The following SLC47A2 variants were observed in gnomAD, a reference collection of about 807,000 sequenced individuals.
SLC47A2 encodes solute carrier family 47 member 2, also known as multidrug and toxin extrusion protein 2.
In SLC47A2, 52 loss-of-function variants were observed where a neutral mutation model predicts 67.7. The ratio of observed to expected loss-of-function variants is 0.77; its 90% CI spans 0.61 to 0.97. The LOEUF is 0.97. Ranked by LOEUF, SLC47A2 falls within the 50% of genes least tolerant of loss-of-function variation. The pLI, the probability that SLC47A2 is intolerant of heterozygous loss-of-function variation, is 0.00. For synonymous variants in SLC47A2, 278 were observed against 292.9 expected, an observed-to-expected ratio of 0.95 and a Z score of 0.52; for missense variants, 676 against 712.3, an observed-to-expected ratio of 0.95 and a Z score of 0.58.
At chr17:19,716,617 C>A, upstream of SLC47A2, 4 of 1,496,338 alleles carry the variant, frequency 2.7e-6, no homozygotes, top group Non-Finnish European at 3.6e-6. Flanking sequence ...CTTTGTCCAG[C>A]GAGCCACCCC....
At chr17:19,703,691 G>C (rs369534766) in intron 11 of SLC47A2, among the ~76,000 whole-genome samples, 1 of 152,352 alleles carries the variant, frequency 6.6e-6, no homozygotes, top group East Asian at 1.9e-4. Flanking sequence ...GGTGCTGGGA[G>C]GGCCAGGCCT....
intron 13 of SLC47A2, among the ~76,000 whole-genome samples, chr17:19,700,843 A>G (rs2085766645): frequency 6.6e-6 from 1 of 151,634 alleles, no homozygotes; most frequent in African/African-American, 2.4e-5. Flanking sequence ...TCACCCAGAC[A>G]CTAGAGAAAA....
intron 3 of SLC47A2, 200 bp downstream of exon 3, chr17:19,714,521 T>C: frequency 1.5e-6 from 1 of 648,664 alleles, no homozygotes; most frequent in Non-Finnish European, 2.7e-6. Context: ...CCCTTTCTCC[T>C]GGCCCAGACT....
In SLC47A2 at chr17:19,700,381, T is replaced by G. The variant is rs576178065; in HGVS notation, c.1164+2224A>C. Among the ~76,000 whole-genome samples the G allele has an allele frequency of 8.5e-5, 13 of 152,328 alleles. No homozygotes were observed. In the South Asian group the frequency reaches 2.3e-3, roughly 27 times the overall value. ...ACAAGCCCTCAGGCCCTGGTAACTG[T>G]TCTCTGTAAACCTGACTCGGAGTTT... On this transcript the variant is annotated intron_variant, in intron 13 of 16. Coordinates refer to ENST00000433844, the MANE Select transcript of SLC47A2 (RefSeq NM_001099646.3).
chr17:19,682,523 C>T (rs190289068), intron 13 of SLC47A2, among the ~76,000 whole-genome samples: 111 of 152,256 alleles, frequency 7.3e-4, no homozygotes, highest in African/African-American at 2.6e-3. Context: ...TGGCTGGTGG[C>T]CCCACATCAC....
chr17:19,712,253 G>A (rs1255748254), intron 5 of SLC47A2, among the ~76,000 whole-genome samples: 1 of 152,130 alleles, frequency 6.6e-6, no homozygotes, highest in Non-Finnish European at 1.5e-5. Flanking sequence ...CAGGCGTGGT[G>A]GTGCATGCCT....
intron 13 of SLC47A2, among the ~76,000 whole-genome samples, chr17:19,701,348 G>A (rs978743974): frequency 3.3e-5 from 5 of 152,008 alleles, no homozygotes; most frequent in East Asian, 3.8e-4. Flanking sequence ...CTGAATGCCC[G>A]GCTATATTCA....
At chr17:19,696,545 C>T (rs925687782) in intron 13 of SLC47A2, among the ~76,000 whole-genome samples, 3 of 151,872 alleles carry the variant, frequency 2.0e-5, no homozygotes, top group Non-Finnish European at 4.4e-5. Context: ...AGATGACCAT[C>T]TACAATCCAA....
At position 19,678,374 on chromosome 17, in the gene SLC47A2, T is replaced by C; in HGVS notation, c.*312A>G. ...GGTTTTTGTGATTTTATCTGCAGTG[T>C]CCCATTTGAAGCCATTTACATTATT... On this transcript the variant is annotated 3_prime_UTR_variant, in exon 17 of 17. Transcript: ENST00000433844. 2.9e-6 allele frequency: 1 copy of C among 340,656 alleles called. No individual in the cohort carries two copies. The highest frequency in any genetic ancestry group is 5.4e-5 in the East Asian group (1 of 18,556). 21.1% of individuals were successfully genotyped at this position (340,656 alleles called of 1,614,324 possible).
chr17:19,689,146 G>T (rs1490049019), intron 13 of SLC47A2, among the ~76,000 whole-genome samples: 1 of 150,894 alleles, frequency 6.6e-6, no homozygotes, highest in Non-Finnish European at 1.5e-5. Flanking sequence ...GCCTCAAGCA[G>T]TCCTCCTGCC....
intron 8 of SLC47A2, 42 bp from the exon 9 acceptor site, chr17:19,706,803 G>T: frequency 6.7e-7 from 1 of 1,495,142 alleles, no homozygotes; most frequent in Non-Finnish European, 9.2e-7. Context: ...TGCCCTGCTT[G>T]CCCACCTCAT....
chr17:19,681,178 A>G (rs1297674361), intron 15 of SLC47A2, among the ~76,000 whole-genome samples, 189 bp downstream of exon 15: 1 of 151,804 alleles, frequency 6.6e-6, no homozygotes, highest in Non-Finnish European at 1.5e-5. Context: ...GCGCCACTGC[A>G]CTCCAGCCTG....
intron 13 of SLC47A2, among the ~76,000 whole-genome samples, chr17:19,701,893 C>T (rs1186667442): frequency 6.6e-6 from 1 of 152,080 alleles, no homozygotes; most frequent in Non-Finnish European, 1.5e-5. Context: ...TTGGAAGGCC[C>T]ACCAGGAGAG....
chr17:19,694,571 T>A (rs1488905480), intron 13 of SLC47A2, among the ~76,000 whole-genome samples: 1 of 152,332 alleles, frequency 6.6e-6, no homozygotes, highest in East Asian at 1.9e-4. Flanking sequence ...GATATCCATA[T>A]GTAAAAAATG....
intron 1 of SLC47A2, among the ~76,000 whole-genome samples, chr17:19,715,542 C>A (rs892414911): frequency 6.6e-6 from 1 of 151,936 alleles, no homozygotes; most frequent in African/African-American, 2.4e-5. Flanking sequence ...AGGCCGCACA[C>A]CCCCAAAAAA....
chr17:19,705,423 G>A lies in SLC47A2; in HGVS notation c.909+13C>T, dbSNP rs1300922213. On this transcript the variant is annotated intron_variant, in intron 10 of 16. Coordinates refer to ENST00000433844, the MANE Select transcript of SLC47A2 (RefSeq NM_001099646.3). ...TGGGGGATGTGGGGAAGGCACCCCT[G>A]CAGGAGCCTTACCATGTAGGTCACA... The A allele has an allele frequency of 4.4e-6, 7 of 1,607,216 alleles. No homozygotes were observed. Among genetic ancestry groups the A allele is most frequent in the Non-Finnish European group, 5.9e-6 (7 of 1,177,038 alleles).
intron 13 of SLC47A2, among the ~76,000 whole-genome samples, chr17:19,701,155 G>A (rs1959273062): frequency 7.3e-6 from 1 of 137,490 alleles, no homozygotes. Context: ...GCGACAGAAT[G>A]AGACTCTGTC....
chr17:19,692,339 AAAATC>A (rs2085562298), intron 13 of SLC47A2: 3 of 417,380 alleles, frequency 7.2e-6, no homozygotes. Flanking sequence ...ATAGATTACC[AAAATC>A]AGAAATGAAA....
chr17:19,716,758 C>T (rs1409729367), upstream of SLC47A2: 4 of 726,180 alleles, frequency 5.5e-6, no homozygotes, highest in East Asian at 3.0e-5. Context: ...CCTACTGCCT[C>T]AGCCACTAGG....
Sources: allele counts gnomAD v4.1 joint callset (sites outside exome capture counted in the v4.1 genomes callset), GRCh38; gene constraint gnomAD v4.1.1; transcripts MANE v1.5; gene names NCBI Gene and HGNC (gene_info 2026-07-23, HGNC 2026-07-21).